Variants in DGKK observed in about 807,000 individuals in gnomAD.
DGKK encodes the protein diacylglycerol kinase kappa, also known as 142 kDa diacylglycerol kinase.
A neutral mutation model predicts 92.2 loss-of-function variants in DGKK; 35 were observed. The observed-to-expected ratio is 0.38, with a 90% CI of 0.29 to 0.50. The LOEUF is 0.50. Among genes scored for constraint, DGKK ranks in the 20% least tolerant of loss-of-function variants. The pLI is 0.92. For missense variants in DGKK, 910 were observed against 992.2 expected, an observed-to-expected ratio of 0.92 and a Z score of 1.11; for synonymous variants, 368 against 360.6, an observed-to-expected ratio of 1.02 and a Z score of -0.23.
At chrX:50,429,972 G>A (rs1925846453) in intron 1 of DGKK, among the ~76,000 whole-genome samples, 1 of 112,210 alleles carries the variant, frequency 8.9e-6, no homozygotes, top group South Asian at 3.7e-4. Flanking sequence ...ACGCAATTCT[G>A]TCCTATGAAA....
At position 50,422,471 on chromosome X, in the gene DGKK, C is replaced by T. The variant is rs1925618796; in HGVS notation, c.812G>A (p.Cys271Tyr). 1.7e-6 allele frequency: 2 copies of T among 1,206,331 alleles called. No individual in the cohort carries two copies. The highest frequency in any genetic ancestry group is 2.2e-6 in the Non-Finnish European group (2 of 892,610). ...LSQATVAESSCRNLCHSFCVI... is the reference protein window; with the variant it reads ...LSQATVAESSYRNLCHSFCVI... Reference sequence around the variant, plus strand: ...ACAAAAACTGTGGCAAAGGTTTCTACAGCTGCTTTCTGCCACAGTGGCTTG... The same window carrying T: ...ACAAAAACTGTGGCAAAGGTTTCTATAGCTGCTTTCTGCCACAGTGGCTTG... Residue 271 changes from cysteine to tyrosine, a missense_variant, in exon 3 of 28, where the codon TGT becomes TAT. Cys to Tyr is a radical substitution (Grantham distance 194). Coordinates refer to ENST00000611977, the MANE Select transcript of DGKK (RefSeq NM_001013742.4).
chrX:50,369,090 C>G (rs1557222817), intron 27 of DGKK, 71 bp from the exon 28 acceptor site: 1 of 771,657 alleles, frequency 1.3e-6, no homozygotes, highest in East Asian at 3.4e-5. Flanking sequence ...TATGTGGACC[C>G]AAAAGAGAGC....
At chrX:50,391,393 T>C (rs1283053799) in intron 11 of DGKK, 44 bp downstream of exon 11, 1 of 1,199,205 alleles carries the variant, frequency 8.3e-7, no homozygotes, top group Non-Finnish European at 1.1e-6. Context: ...GTGAGTGATG[T>C]GGGACAGGAA....
chrX:50,398,617 T>C (rs1251027306), intron 8 of DGKK, among the ~76,000 whole-genome samples: 1 of 111,813 alleles, frequency 8.9e-6, no homozygotes, highest in East Asian at 2.8e-4. Context: ...AAAGTAACAA[T>C]GCCATTATTT....
At chrX:50,370,310 C>T (rs1557222986) in intron 27 of DGKK, 116 bp downstream of exon 27, 7 of 960,694 alleles carry the variant, frequency 7.3e-6, no homozygotes, top group Non-Finnish European at 9.7e-6. Context: ...AGATGGCCTC[C>T]CGCTTCATCA....
chrX:50,447,536 T>A (rs1926397419), intron 1 of DGKK, among the ~76,000 whole-genome samples: 1 of 96,812 alleles, frequency 1.0e-5, no homozygotes, highest in Admixed American at 1.2e-4. Context: ...AAACTGGAAC[T>A]CACTGCAGAG....
intron 1 of DGKK, among the ~76,000 whole-genome samples, chrX:50,442,895 G>GT (rs1340958878): frequency 9.1e-6 from 1 of 110,447 alleles, no homozygotes; most frequent in African/African-American, 3.3e-5. Context: ...TGAGGTCTCA[G>GT]TTTTTTGCTG....
chrX:50,388,939 C>T (rs1254555740), intron 12 of DGKK, among the ~76,000 whole-genome samples: 3 of 111,925 alleles, frequency 2.7e-5, no homozygotes, highest in African/African-American at 6.5e-5. Context: ...AAGCTGGATT[C>T]GAATCTACAT....
rs1557226578 is a variant in DGKK at position 50,401,085 on chromosome X, G to A, written c.1363C>T (p.Arg455Cys). Residue 455 changes from arginine to cysteine, a missense_variant, in exon 8 of 28, where the codon CGC (arginine) becomes TGC (cysteine). Arg to Cys is a radical substitution (Grantham distance 180). Coordinates refer to ENST00000611977, the MANE Select transcript of DGKK (RefSeq NM_001013742.4). ...FSKECCFRSH[R>C]SSVIPPTALS... ...GCAGTGGGAGGAATGACTGATGAGC[G>A]ATGGCTTCTGAAGCAACATTCCTTG... is the stretch of plus-strand genomic sequence containing the variant. The A allele has an allele frequency of 2.5e-6, 3 of 1,201,916 alleles. No homozygotes were observed. The highest frequency in any genetic ancestry group is 2.2e-5 in the Admixed American group (1 of 44,910).
chrX:50,427,995 C>T (rs370959952), intron 1 of DGKK, among the ~76,000 whole-genome samples: 88 of 110,024 alleles, frequency 8.0e-4, no homozygotes, highest in African/African-American at 2.7e-3. Context: ...CTGTCTGCAC[C>T]CTGGCTGTTT....
chrX:50,467,818 T>C (rs1926945456), intron 1 of DGKK, among the ~76,000 whole-genome samples: 1 of 112,573 alleles, frequency 8.9e-6, no homozygotes, highest in Non-Finnish European at 1.9e-5. Context: ...CATAGCAACA[T>C]TGAGGGTGTT....
chrX:50,434,664 T>G (rs1176460848), intron 1 of DGKK, among the ~76,000 whole-genome samples: 1 of 109,093 alleles, frequency 9.2e-6, no homozygotes, highest in Non-Finnish European at 1.9e-5. Flanking sequence ...GTACTGCAAA[T>G]GATTTCACAA....
At chrX:50,441,122 AC>A (rs1271687208) in intron 1 of DGKK, among the ~76,000 whole-genome samples, 1 of 111,119 alleles carries the variant, frequency 9.0e-6, no homozygotes, top group Non-Finnish European at 1.9e-5. Context: ...AACTATTTTT[AC>A]CCAGGAGTAG....
chrX:50,370,360 C>A (rs1924088201), intron 27 of DGKK, 66 bp downstream of exon 27: 2 of 1,130,793 alleles, frequency 1.8e-6, no homozygotes, highest in African/African-American at 3.7e-5. Flanking sequence ...GGCTTCAGGT[C>A]CCTGGGAGGT....
At chrX:50,453,149 C>T (rs1926532566) in intron 1 of DGKK, among the ~76,000 whole-genome samples, 2 of 111,512 alleles carry the variant, frequency 1.8e-5, no homozygotes. Context: ...CATTATCCCA[C>T]TTTGTTTAGA....
chrX:50,375,731 T>C (rs1038331243), intron 24 of DGKK, among the ~76,000 whole-genome samples: 3 of 111,614 alleles, frequency 2.7e-5, no homozygotes, highest in Non-Finnish European at 5.7e-5. Flanking sequence ...AAGGGCCAAG[T>C]ACAAGTTTCT....
intron 8 of DGKK, among the ~76,000 whole-genome samples, chrX:50,397,297 A>G (rs1051682213): frequency 5.3e-5 from 6 of 112,296 alleles, no homozygotes; most frequent in Non-Finnish European, 7.5e-5. Flanking sequence ...TGTTCACTCC[A>G]AAGAAAGATG....
intron 1 of DGKK, among the ~76,000 whole-genome samples, chrX:50,424,871 T>G (rs1287416415): frequency 1.8e-5 from 2 of 111,609 alleles, no homozygotes; most frequent in Admixed American, 9.5e-5. Flanking sequence ...GTCTTTACCA[T>G]GGTTTGTCTT....
chrX:50,460,186 G>A lies in DGKK; in HGVS notation c.645+9848C>T, dbSNP rs1033948626. On this transcript the variant is annotated intron_variant, in intron 1 of 27. Transcript: ENST00000611977. ...GCCCAGAGTTCATGAAAACTTTCTG[G>A]GTTTCAAGTCTCTTTACTGACAGCC... is the stretch of plus-strand genomic sequence containing the variant. 4.5e-5 allele frequency among the ~76,000 whole-genome samples: 5 copies of A among 111,637 alleles called. 1 individual carries two copies. The highest frequency in any genetic ancestry group is 9.5e-5 in the Admixed American group (1 of 10,540).
Sources: allele counts gnomAD v4.1 joint callset (sites outside exome capture counted in the v4.1 genomes callset), GRCh38; gene constraint gnomAD v4.1.1; transcripts MANE v1.5; gene names NCBI Gene and HGNC (gene_info 2026-07-23, HGNC 2026-07-21).